Variants in RIMS2 observed in about 807,000 individuals in gnomAD.
RIMS2 encodes the protein regulating synaptic membrane exocytosis 2, also known as regulating synaptic membrane exocytosis protein 2.
A neutral mutation model predicts 174.4 loss-of-function variants in RIMS2; 59 were observed. The observed-to-expected ratio is 0.34, with a 90% confidence interval of 0.27 to 0.42. The LOEUF (loss-of-function observed/expected upper bound fraction) is 0.42. RIMS2 is among the 10% of genes least tolerant of loss of function. The pLI is 1.00. For missense variants in RIMS2, 1,620 were observed against 1,666.3 expected, an observed-to-expected ratio of 0.97 and a Z score of 0.48; for synonymous variants, 606 against 572.5, an observed-to-expected ratio of 1.06 and a Z score of -0.84.
At chr8:104,207,548 G>A (rs2099086145) in intron 19 of RIMS2, among the ~76,000 whole-genome samples, 1 of 152,056 alleles carries the variant, frequency 6.6e-6, no homozygotes, top group African/African-American at 2.4e-5. Flanking sequence ...GCTCACACCT[G>A]TAATCCCAGC....
intron 1 of RIMS2, among the ~76,000 whole-genome samples, chr8:103,677,973 A>G (rs1315061052): frequency 6.6e-6 from 1 of 152,196 alleles, no homozygotes; most frequent in Non-Finnish European, 1.5e-5. Flanking sequence ...TAGTTACAAG[A>G]GTAGGTTACA....
At chr8:103,732,077 G>T (rs192999490) in intron 2 of RIMS2, among the ~76,000 whole-genome samples, 21 of 152,134 alleles carry the variant, frequency 1.4e-4, no homozygotes, top group African/African-American at 4.6e-4. Context: ...CACTTTCTTG[G>T]GTAGGTTTTC....
intron 3 of RIMS2, among the ~76,000 whole-genome samples, chr8:103,810,889 A>G (rs2098682693): frequency 6.6e-6 from 1 of 152,208 alleles, no homozygotes; most frequent in South Asian, 2.1e-4. Flanking sequence ...TTATTCCATA[A>G]TATTTCATTT....
intron 2 of RIMS2, among the ~76,000 whole-genome samples, chr8:103,759,332 G>A (rs979032664): frequency 6.6e-6 from 1 of 152,020 alleles, no homozygotes; most frequent in Admixed American, 6.6e-5. Context: ...TTGGGAGGCC[G>A]AGGCAGGCGG....
At chr8:103,544,939 ATG>A (rs1844318433) in intron 1 of RIMS2, among the ~76,000 whole-genome samples, 2 of 152,144 alleles carry the variant, frequency 1.3e-5, no homozygotes, top group South Asian at 4.1e-4. Flanking sequence ...CAGCCCACAC[ATG>A]TGAAAAAACC....
intron 3 of RIMS2, among the ~76,000 whole-genome samples, chr8:103,873,931 T>C (rs2099123902): frequency 6.6e-6 from 1 of 152,032 alleles, no homozygotes; most frequent in African/African-American, 2.4e-5. Flanking sequence ...AAAGTTTAGG[T>C]TCAAGTAATA....
intron 1 of RIMS2, among the ~76,000 whole-genome samples, chr8:103,635,394 C>T (rs556510174): frequency 1.3e-5 from 2 of 152,286 alleles, no homozygotes; most frequent in East Asian, 1.9e-4. Context: ...TGGTTGGAGG[C>T]CCAGGCCTGG....
chr8:104,029,304 C>A (rs996093682), intron 19 of RIMS2, among the ~76,000 whole-genome samples: 7 of 152,126 alleles, frequency 4.6e-5, no homozygotes, highest in African/African-American at 1.7e-4. Flanking sequence ...TGCCTAACAT[C>A]CTGGGAATGT....
intron 14 of RIMS2, among the ~76,000 whole-genome samples, chr8:103,943,469 G>A (rs529302063): frequency 7.3e-4 from 111 of 152,162 alleles, no homozygotes; most frequent in African/African-American, 2.6e-3. Context: ...TTATAAAAGG[G>A]AAATAGTAAT....
chr8:103,955,111 C>A (rs2086725603), intron 14 of RIMS2, among the ~76,000 whole-genome samples: 1 of 152,058 alleles, frequency 6.6e-6, no homozygotes, highest in African/African-American at 2.4e-5. Flanking sequence ...CAATTAATAG[C>A]CTACCCAATC....
chr8:103,996,864 T>C (rs1330864992), intron 17 of RIMS2, among the ~76,000 whole-genome samples: 2 of 151,914 alleles, frequency 1.3e-5, no homozygotes, highest in Admixed American at 6.6e-5. Flanking sequence ...ACTCGGCATA[T>C]AGTTCAGTGT....
At chr8:103,631,480 A>G (rs897711963) in intron 1 of RIMS2, among the ~76,000 whole-genome samples, 5 of 152,244 alleles carry the variant, frequency 3.3e-5, no homozygotes, top group South Asian at 2.1e-4. Context: ...ATTCTGTTTC[A>G]TTGGTCTATG....
chr8:103,629,974 A>G (rs979277330), intron 1 of RIMS2, among the ~76,000 whole-genome samples: 5 of 152,056 alleles, frequency 3.3e-5, no homozygotes, highest in Non-Finnish European at 7.4e-5. Flanking sequence ...CCAGAAAAAA[A>G]GAACAGTACA....
At chr8:104,022,199 T>C (rs747637362) in intron 19 of RIMS2, among the ~76,000 whole-genome samples, 3 of 152,186 alleles carry the variant, frequency 2.0e-5, no homozygotes, top group Non-Finnish European at 4.4e-5. Flanking sequence ...GTCAGGCCCG[T>C]CTCATAATCC....
chr8:103,574,691 T>C (rs750968631), intron 1 of RIMS2, among the ~76,000 whole-genome samples: 58 of 152,190 alleles, frequency 3.8e-4, no homozygotes, highest in Admixed American at 1.3e-4. Flanking sequence ...GAGTGGTACT[T>C]GGCTGGTAGA....
intron 16 of RIMS2, among the ~76,000 whole-genome samples, chr8:103,984,216 T>A (rs1448780985): frequency 6.6e-6 from 1 of 151,480 alleles, no homozygotes; most frequent in South Asian, 2.1e-4. Flanking sequence ...AGGGATCATA[T>A]CAAGTTAAAA....
At chr8:104,014,679 T>G (rs2095854143) in intron 19 of RIMS2, 64 bp downstream of exon 21, 1 of 938,710 alleles carries the variant, frequency 1.1e-6, no homozygotes, top group African/African-American at 1.6e-5. Flanking sequence ...GAATCAAGAT[T>G]TTCTTATTAC....
intron 1 of RIMS2, among the ~76,000 whole-genome samples, chr8:103,586,024 G>T (rs2093901311): frequency 1.3e-5 from 2 of 151,224 alleles, no homozygotes; most frequent in Non-Finnish European, 2.9e-5. Context: ...ATGATAAAAG[G>T]GGTTAATTCA....
intron 17 of RIMS2, among the ~76,000 whole-genome samples, chr8:103,992,415 C>T (rs1017548901): frequency 1.3e-5 from 2 of 151,688 alleles, no homozygotes; most frequent in East Asian, 1.9e-4. Flanking sequence ...CATGAGCCAC[C>T]GCGCCTGGCC....
Sources: gnomAD v4.1 joint callset for allele counts (sites outside exome capture counted in the v4.1 genomes callset) on GRCh38, gnomAD v4.1.1 for gene constraint, MANE v1.5 for transcripts, NCBI Gene and HGNC (gene_info 2026-07-23, HGNC 2026-07-21) for gene names.